FAT3: variants seen among roughly 807,000 people sequenced by gnomAD.
FAT3 encodes FAT atypical cadherin 3, also known as protocadherin Fat 3.
A neutral mutation model predicts 310.2 loss-of-function variants in FAT3; 95 were observed. The ratio of observed to expected loss-of-function variants is 0.31; its 90% CI spans 0.26 to 0.36. FAT3 has a LOEUF of 0.36. Ranked by LOEUF, FAT3 falls within the 10% of genes least tolerant of loss-of-function variation. FAT3 has a pLI of 1.00. For missense variants in FAT3, 5,408 were observed against 5,715.6 expected (o/e 0.95, Z 1.74); for synonymous variants, 2,314 against 2,192.9 (o/e 1.06, Z -1.54).
At chr11:92,548,368 ACTCT>A (rs1200036631) in intron 3 of FAT3, among the ~76,000 whole-genome samples, 1 of 151,992 alleles carries the variant, frequency 6.6e-6, no homozygotes, top group Non-Finnish European at 1.5e-5. Context: ...ATTCCATGTG[ACTCT>A]CTCTCAGGCA....
At chr11:92,383,472 G>T (rs1173174043) in intron 2 of FAT3, among the ~76,000 whole-genome samples, 2 of 152,154 alleles carry the variant, frequency 1.3e-5, no homozygotes, top group East Asian at 1.9e-4. Flanking sequence ...GCCTGATTTT[G>T]TCCCACAGTG....
Position 92,882,873 on chromosome 11 carries a change from G to A in FAT3, c.12417G>A (p.Val4139=), listed in dbSNP as rs1427104955. 1 of 1,612,410 alleles carries A rather than the reference G, an allele frequency of 6.2e-7. No individual in the cohort carries two copies. Among genetic ancestry groups the A allele is most frequent in the Non-Finnish European group, 8.5e-7 (1 of 1,179,426 alleles). The change falls in exon 24 of 28, where the codon GTG becomes GTA. Residue 4139 remains valine (V), a synonymous_variant. Transcript: ENST00000525166. ...VGQYCGLRPV[V]VPNIQAGHSY... Reference sequence around the variant, plus strand: ...AGTACTGCGGGCTGCGCCCCGTGGTGGTACCCAATATCCAGGCTGGCCACT... The same window carrying A: ...AGTACTGCGGGCTGCGCCCCGTGGTAGTACCCAATATCCAGGCTGGCCACT...
At chr11:92,840,885 C>A in intron 18 of FAT3, 126 bp downstream of exon 18, 1 of 882,762 alleles carries the variant, frequency 1.1e-6, no homozygotes, top group Admixed American at 3.3e-5. Flanking sequence ...GGAATGTTCC[C>A]CCTTTTAATC....
At chr11:92,628,446 G>C (rs546021979) in intron 3 of FAT3, among the ~76,000 whole-genome samples, 1 of 151,920 alleles carries the variant, frequency 6.6e-6, no homozygotes, top group East Asian at 1.9e-4. Flanking sequence ...TTTTTTGTGA[G>C]CAGCTATGAT....
chr11:92,571,003 A>G (rs1955647954), intron 3 of FAT3, among the ~76,000 whole-genome samples: 2 of 152,188 alleles, frequency 1.3e-5, no homozygotes, highest in East Asian at 1.9e-4. Context: ...AGTTATTACC[A>G]TTTTATGATT....
At chr11:92,691,659 G>T (rs1038166506) in intron 3 of FAT3, among the ~76,000 whole-genome samples, 1 of 152,076 alleles carries the variant, frequency 6.6e-6, no homozygotes, top group Non-Finnish European at 1.5e-5. Flanking sequence ...GGGATTATAG[G>T]CATAAGACAC....
chr11:92,596,657 ACCT>A (rs561193513), intron 3 of FAT3, among the ~76,000 whole-genome samples: 103 of 152,008 alleles, frequency 6.8e-4, no homozygotes, highest in African/African-American at 2.3e-3. Context: ...AGAACAACAA[ACCT>A]CCTTCATACT....
chr11:92,544,946 G>C (rs372901834), intron 3 of FAT3, among the ~76,000 whole-genome samples: 2 of 152,286 alleles, frequency 1.3e-5, no homozygotes, highest in South Asian at 4.1e-4. Context: ...TGTTGATAAT[G>C]CTCACTGTTT....
At chr11:92,331,184 A>C (rs1947914425) in intron 1 of FAT3, among the ~76,000 whole-genome samples, 1 of 151,630 alleles carries the variant, frequency 6.6e-6, no homozygotes, top group Non-Finnish European at 1.5e-5. Flanking sequence ...TGGTAGATCA[A>C]GAGTAATTTA....
intron 2 of FAT3, among the ~76,000 whole-genome samples, chr11:92,433,522 G>A (rs760207575): frequency 7.9e-5 from 12 of 152,080 alleles, no homozygotes; most frequent in Non-Finnish European, 1.2e-4. Flanking sequence ...TGGGTGAGGC[G>A]ATGCCCCACC....
Position 92,893,310 on chromosome 11 carries a change from C to G in FAT3, c.*2197C>G, listed in dbSNP as rs1949956864. ...GTGATCTTGAAATAAATGAATTTCA[C>G]TAAGGCTGCTTTCGAGAACAAAGTC... On this transcript the variant is annotated 3_prime_UTR_variant, in exon 28 of 28. Coordinates refer to ENST00000525166, the MANE Select transcript of FAT3 (RefSeq NM_001367949.2). 1 of 152,158 alleles carries G rather than the reference C, an allele frequency of 6.6e-6. No individual in the cohort carries two copies. The highest frequency in any genetic ancestry group is 1.5e-5 in the Non-Finnish European group (1 of 68,038). 9.4% of individuals were successfully genotyped at this position (152,158 alleles called of 1,614,324 possible).
chr11:92,514,266 A>G (rs188581535), intron 2 of FAT3, among the ~76,000 whole-genome samples: 275 of 152,338 alleles, frequency 1.8e-3, no homozygotes, highest in African/African-American at 6.3e-3. Context: ...AGATGCCCAG[A>G]GAATTTTGGG....
intron 2 of FAT3, among the ~76,000 whole-genome samples, chr11:92,384,812 C>T (rs913521300): frequency 1.2e-4 from 18 of 152,188 alleles, no homozygotes; most frequent in Non-Finnish European, 1.9e-4. Context: ...TTGGCTTTGT[C>T]TGGAAGAAGG....
chr11:92,279,160 A>G (rs1439114068), intron 1 of FAT3, among the ~76,000 whole-genome samples: 2 of 152,194 alleles, frequency 1.3e-5, no homozygotes, highest in Non-Finnish European at 2.9e-5. Context: ...TGTGCTGTGC[A>G]TACTATAATG....
At chr11:92,758,441 G>A (rs1480873158) in intron 4 of FAT3, among the ~76,000 whole-genome samples, 2 of 152,170 alleles carry the variant, frequency 1.3e-5, no homozygotes, top group Non-Finnish European at 2.9e-5. Flanking sequence ...GGCATTCCAT[G>A]AAGACAAATG....
chr11:92,491,179 A>G (rs1361136463), intron 2 of FAT3, among the ~76,000 whole-genome samples: 2 of 152,094 alleles, frequency 1.3e-5, no homozygotes, highest in African/African-American at 4.8e-5. Context: ...TTGTAACCAC[A>G]GCAAAGATTT....
At chr11:92,391,814 T>C (rs1949756642) in intron 2 of FAT3, among the ~76,000 whole-genome samples, 1 of 152,180 alleles carries the variant, frequency 6.6e-6, no homozygotes, top group African/African-American at 2.4e-5. Context: ...TTCCTCATAG[T>C]TGTACGTGTC....
chr11:92,409,747 G>A lies in FAT3; in HGVS notation c.3292+54343G>A, dbSNP rs147510099. Among the ~76,000 whole-genome samples the A allele has an allele frequency of 2.1e-3, 318 of 152,250 alleles. 1 individual carries two copies. Among genetic ancestry groups the A allele is most frequent in the African/African-American group, 7.0e-3 (292 of 41,538 alleles). On this transcript the variant is annotated intron_variant, in intron 2 of 27. Coordinates refer to ENST00000525166, the MANE Select transcript of FAT3 (RefSeq NM_001367949.2). ...GACCATATTTCACAGTTAGAAGCCA[G>A]CATGATTGCAGGGTAGTGCTTACAA...
intron 2 of FAT3, among the ~76,000 whole-genome samples, chr11:92,426,617 A>G (rs1950640331): frequency 6.6e-6 from 1 of 152,164 alleles, no homozygotes; most frequent in South Asian, 2.1e-4. Flanking sequence ...TCCCAACACC[A>G]TTTATTAATT....
Sources: allele counts gnomAD v4.1 joint callset (sites outside exome capture counted in the v4.1 genomes callset), GRCh38; gene constraint gnomAD v4.1.1; transcripts MANE v1.5; gene names NCBI Gene and HGNC (gene_info 2026-07-23, HGNC 2026-07-21).